GALNTL6: variants seen among roughly 807,000 people sequenced by gnomAD.
The protein encoded by GALNTL6 is polypeptide N-acetylgalactosaminyltransferase-like 6.
GALNTL6 carries 46 observed loss-of-function variants against 73.7 expected under a neutral mutation model. The ratio of observed to expected loss-of-function variants is 0.62; its 90% confidence interval spans 0.49 to 0.80. GALNTL6 has a LOEUF of 0.80. GALNTL6 is among the 30% of genes least tolerant of loss of function. The probability of loss-of-function intolerance (pLI) is 0.00; values close to 1 mark genes in which losing one functional copy is unlikely to be tolerated. For missense variants in GALNTL6, 604 were observed against 755.0 expected, an observed-to-expected ratio of 0.80 and a Z score of 2.34; for synonymous variants, 259 against 263.7, an observed-to-expected ratio of 0.98 and a Z score of 0.17.
chr4:172,768,032 G>A (rs1011678674), intron 5 of GALNTL6, among the ~76,000 whole-genome samples: 1 of 152,048 alleles, frequency 6.6e-6, no homozygotes, highest in Non-Finnish European at 1.5e-5. Flanking sequence ...TTCTCACGTT[G>A]CACACATACC....
intron 5 of GALNTL6, among the ~76,000 whole-genome samples, chr4:172,437,409 C>T (rs930134695): frequency 1.3e-5 from 2 of 151,800 alleles, no homozygotes; most frequent in African/African-American, 4.8e-5. Context: ...TTGTGAGGAC[C>T]ATAGATATAA....
chr4:172,022,024 G>T (rs1477131961), intron 2 of GALNTL6, among the ~76,000 whole-genome samples: 1 of 151,902 alleles, frequency 6.6e-6, no homozygotes, highest in Admixed American at 6.6e-5. Context: ...CATTGGAGTG[G>T]GCAAGGCTTT....
intron 2 of GALNTL6, among the ~76,000 whole-genome samples, chr4:171,825,718 C>T (rs1734806079): frequency 6.6e-6 from 1 of 152,136 alleles, no homozygotes; most frequent in African/African-American, 2.4e-5. Context: ...TTCTTAGAGC[C>T]TTTTCTTTTC....
chr4:172,845,455 G>A (rs1198119535), intron 7 of GALNTL6, among the ~76,000 whole-genome samples: 1 of 152,114 alleles, frequency 6.6e-6, no homozygotes. Flanking sequence ...TGGGGAGGAA[G>A]TTGGATTCCT....
At chr4:172,872,360 C>A (rs1416804251) in intron 7 of GALNTL6, among the ~76,000 whole-genome samples, 4 of 152,116 alleles carry the variant, frequency 2.6e-5, no homozygotes, top group Admixed American at 1.3e-4. Flanking sequence ...ATTTTGACTG[C>A]CCTTCCCCTC....
chr4:172,039,280 G>T (rs1742021229), intron 2 of GALNTL6, among the ~76,000 whole-genome samples: 2 of 152,070 alleles, frequency 1.3e-5, no homozygotes, highest in South Asian at 2.1e-4. Context: ...TTTCAATGTG[G>T]TATATTTTAC....
Position 172,861,318 on chromosome 4 carries a change from C to CGTGTGTGT in GALNTL6, c.924-21472_924-21471insGTGTGTGT, listed in dbSNP as rs772337885. On this transcript the variant is annotated intron_variant, in intron 7 of 12. Coordinates refer to ENST00000506823, the MANE Select transcript of GALNTL6 (RefSeq NM_001034845.3). The stretch of plus-strand genomic sequence containing the variant: ...TGTTGTCTGGCTTGGTTTTTGCTTA[C>CGTGTGTGT]ATGTGTGTGTGTGTGTGTGTGTGTG... Among the ~76,000 whole-genome samples, 1,211 of 140,850 alleles carry CGTGTGTGT rather than the reference C, an allele frequency of 8.6e-3. 18 individuals carry two copies. The highest frequency in any genetic ancestry group is 0.026 in the East Asian group (130 of 4,932). 92.4% of individuals were successfully genotyped at this position (140,850 alleles called of 152,430 possible). A position where few individuals can be genotyped will look rare whatever the true frequency, so the allele number is the denominator to read the frequency against.
intron 2 of GALNTL6, among the ~76,000 whole-genome samples, chr4:171,854,427 A>C (rs576274703): frequency 2.0e-5 from 3 of 152,210 alleles, no homozygotes; most frequent in African/African-American, 7.2e-5. Context: ...CCATGCATCA[A>C]CATTCACAAA....
Position 172,317,148 on chromosome 4 carries a change from C to G in GALNTL6, c.386+5396C>G, listed in dbSNP as rs1351897358. Among the ~76,000 whole-genome samples the G allele has an allele frequency of 5.3e-5, 8 of 152,306 alleles. No individual in the cohort carries two copies. The East Asian group carries it at 1.5e-3, about 29-fold the overall frequency. On this transcript the variant is annotated intron_variant, in intron 4 of 12. Transcript: ENST00000506823. ...ACATGAAGTACTTACAAAGTCAGCA[C>G]TATATGCTATTTCTTGATATATACA...
At chr4:172,376,970 C>G (rs960469511) in intron 5 of GALNTL6, among the ~76,000 whole-genome samples, 6 of 152,086 alleles carry the variant, frequency 3.9e-5, no homozygotes, top group African/African-American at 1.2e-4. Flanking sequence ...GTGAGTGTTA[C>G]AGCTCATAAA....
intron 5 of GALNTL6, among the ~76,000 whole-genome samples, chr4:172,555,952 G>A (rs1736126545): frequency 1.3e-5 from 2 of 152,024 alleles, no homozygotes; most frequent in African/African-American, 4.8e-5. Context: ...TGTACGACGT[G>A]GGTGAGTTAA....
intron 2 of GALNTL6, among the ~76,000 whole-genome samples, chr4:171,980,816 C>T (rs909195995): frequency 7.9e-5 from 12 of 152,122 alleles, no homozygotes; most frequent in African/African-American, 2.9e-4. Flanking sequence ...CCACTCTGAA[C>T]GAACTATTGG....
intron 8 of GALNTL6, among the ~76,000 whole-genome samples, chr4:172,893,336 TGA>T (rs1185187495): frequency 7.3e-6 from 1 of 137,916 alleles, no homozygotes; most frequent in Admixed American, 6.9e-5. Flanking sequence ...CTAAGTGTTC[TGA>T]GAGTGGCGGG....
intron 7 of GALNTL6, among the ~76,000 whole-genome samples, chr4:172,868,110 T>G (rs1435059008): frequency 1.3e-5 from 2 of 152,240 alleles, no homozygotes; most frequent in Non-Finnish European, 2.9e-5. Context: ...TGCAGTTTTC[T>G]ATTCTATTTA....
chr4:172,555,969 T>C (rs1228035058), intron 5 of GALNTL6, among the ~76,000 whole-genome samples: 2 of 152,124 alleles, frequency 1.3e-5, no homozygotes, highest in African/African-American at 2.4e-5. Flanking sequence ...TTAATGTTGC[T>C]AGGGAACTTT....
At chr4:172,844,001 G>A (rs947865026) in intron 7 of GALNTL6, among the ~76,000 whole-genome samples, 1 of 152,224 alleles carries the variant, frequency 6.6e-6, no homozygotes, top group African/African-American at 2.4e-5. Context: ...GGATGTTGCA[G>A]TGAGCTGAGA....
chr4:172,037,439 G>T (rs544130299), intron 2 of GALNTL6, among the ~76,000 whole-genome samples: 67 of 152,104 alleles, frequency 4.4e-4, no homozygotes, highest in African/African-American at 1.6e-3. Flanking sequence ...ACCACTTTGT[G>T]CAGATGGCCA....
chr4:172,601,868 A>C (rs181875159), intron 5 of GALNTL6, among the ~76,000 whole-genome samples: 1 of 151,474 alleles, frequency 6.6e-6, no homozygotes, highest in Non-Finnish European at 1.5e-5. Flanking sequence ...GTTAAAGCAA[A>C]AATCCAAGAA....
chr4:172,247,787 A>G (rs1314708685), intron 3 of GALNTL6, among the ~76,000 whole-genome samples: 1 of 152,010 alleles, frequency 6.6e-6, no homozygotes, highest in Non-Finnish European at 1.5e-5. Flanking sequence ...TTCAACATAC[A>G]CTTAGGTTAA....
Sources: allele counts gnomAD v4.1 joint callset (sites outside exome capture counted in the v4.1 genomes callset), GRCh38; gene constraint gnomAD v4.1.1; transcripts MANE v1.5; gene names NCBI Gene and HGNC (gene_info 2026-07-23, HGNC 2026-07-21).